PCDHA11: variants seen among roughly 807,000 people sequenced by gnomAD.
The protein encoded by PCDHA11 is protocadherin alpha 11, also known as protocadherin alpha-11.
Under a neutral mutation model 70.3 loss-of-function variants are expected in PCDHA11, and 61 were observed. The observed-to-expected ratio is 0.87, with a 90% CI of 0.71 to 1.07. The LOEUF (loss-of-function observed/expected upper bound fraction) is 1.07. Ranked by LOEUF, PCDHA11 falls within the 50% of genes least tolerant of loss-of-function variation. The pLI is 0.00. For synonymous variants in PCDHA11, 633 were observed against 555.1 expected (o/e 1.14, Z -1.97); for missense variants, 1,324 against 1,237.5 (o/e 1.07, Z -1.05).
chr5:140,883,551 G>T, intron 1 of PCDHA11: 4 of 1,614,234 alleles, frequency 2.5e-6, no homozygotes, highest in Non-Finnish European at 3.4e-6. Flanking sequence ...GTGACCGCGC[G>T]GGACGGGGGC....
chr5:140,871,263 G>T lies in PCDHA11; in HGVS notation c.2160G>T (p.Leu720=). The T allele has an allele frequency of 6.2e-7, 1 of 1,614,010 alleles. No homozygotes were observed. The highest frequency in any genetic ancestry group is 1.1e-5 in the South Asian group (1 of 91,090). The change falls in exon 1 of 4, where the codon CTG becomes CTT. Residue 720 remains leucine (L), a synonymous_variant. Transcript: ENST00000398640. Reference sequence around the variant, plus strand: ...TCACGCTGCTGCTGTATACGGCGCTGTGGTGGTCGGCAACGCCCACTGAGG... The same window carrying T: ...TCACGCTGCTGCTGTATACGGCGCTTTGGTGGTCGGCAACGCCCACTGAGG... ...LVLTLLLYTA[L]WWSATPTEGA...
At chr5:140,976,248 T>G (rs1476905185) in intron 1 of PCDHA11, among the ~76,000 whole-genome samples, 5 of 152,032 alleles carry the variant, frequency 3.3e-5, no homozygotes, top group African/African-American at 9.7e-5. Context: ...TCATGTAAAT[T>G]TATTTAAAAC....
intron 3 of PCDHA11, among the ~76,000 whole-genome samples, chr5:141,006,808 A>T (rs576819521): frequency 1.3e-5 from 2 of 152,322 alleles, no homozygotes; most frequent in East Asian, 3.9e-4. Flanking sequence ...TTCTGGCTTG[A>T]GAAATGGGGT....
At chr5:140,968,729 A>G (rs1563381706) in intron 1 of PCDHA11, 1 of 1,614,134 alleles carries the variant, frequency 6.2e-7, no homozygotes, top group Non-Finnish European at 8.5e-7. Flanking sequence ...GAGTGGTAGC[A>G]CTTTCAACCT....
At chr5:140,876,395 T>C (rs1562712555) in intron 1 of PCDHA11, 2 of 1,613,920 alleles carry the variant, frequency 1.2e-6, no homozygotes, top group Non-Finnish European at 8.5e-7. Flanking sequence ...TATGGTGAAC[T>C]GGATTTTGAA....
intron 1 of PCDHA11, among the ~76,000 whole-genome samples, chr5:140,904,628 A>G (rs2071277621): frequency 6.6e-6 from 1 of 152,002 alleles, no homozygotes; most frequent in African/African-American, 2.4e-5. Context: ...TTAGTTCTTT[A>G]AGGAATCTCC....
At chr5:140,941,651 T>C (rs2093139674) in intron 1 of PCDHA11, among the ~76,000 whole-genome samples, 3 of 152,120 alleles carry the variant, frequency 2.0e-5, no homozygotes, top group Admixed American at 6.6e-5. Context: ...CTACAACTTA[T>C]GTCCAATTTT....
chr5:140,887,670 C>A (rs368430565), intron 1 of PCDHA11, among the ~76,000 whole-genome samples: 2 of 151,988 alleles, frequency 1.3e-5, no homozygotes, highest in Non-Finnish European at 2.9e-5. Flanking sequence ...GTGGATTTAT[C>A]ATTTTCATCA....
chr5:140,940,494 G>C (rs553813143), intron 1 of PCDHA11, among the ~76,000 whole-genome samples: 1 of 151,724 alleles, frequency 6.6e-6, no homozygotes, highest in East Asian at 1.9e-4. Context: ...GACAAGTCTT[G>C]CTCCGTCGCT....
intron 1 of PCDHA11, among the ~76,000 whole-genome samples, chr5:140,947,600 G>A (rs1328645188): frequency 1.3e-5 from 2 of 151,624 alleles, no homozygotes; most frequent in African/African-American, 4.8e-5. Flanking sequence ...ATTTAGGGAA[G>A]ATTTGGTATC....
At chr5:140,982,318 G>A (rs2096977750) in intron 2 of PCDHA11, 157 bp from the exon 3 acceptor site, 3 of 1,356,910 alleles carry the variant, frequency 2.2e-6, no homozygotes, top group Non-Finnish European at 2.9e-6. Context: ...AGTTTATGCA[G>A]GGTGACTGCT....
In PCDHA11 at chr5:141,008,942, A is replaced by G. The variant is rs544111760; in HGVS notation, c.2540-685A>G. Among the ~76,000 whole-genome samples the G allele has an allele frequency of 1.5e-4, 23 of 152,326 alleles. No homozygotes were observed. In the South Asian group the frequency reaches 4.8e-3, roughly 32 times the overall value. On this transcript the variant is annotated intron_variant, in intron 3 of 3. Transcript: ENST00000398640. ...ATTCAGCTAATTTTTCTTGTTTTGG[A>G]CAAAATAGACATCCTAATACATTTA...
chr5:140,922,176 CAA>C lies in PCDHA11; in HGVS notation c.2391+50690_2391+50691del, dbSNP rs3836750. ...CAAAAACAACAAAAAGTACAGCAGACAAAAAAAAAGTCTTATCTTTAATGAAA... is the reference window on the plus strand; with the variant it reads ...CAAAAACAACAAAAAGTACAGCAGACAAAAAAAGTCTTATCTTTAATGAAA... On this transcript the variant is annotated intron_variant, in intron 1 of 3. Coordinates refer to ENST00000398640, the MANE Select transcript of PCDHA11 (RefSeq NM_018902.5). 2.6e-3 allele frequency among the ~76,000 whole-genome samples: 394 copies of C among 150,816 alleles called. 1 individual carries two copies. The highest frequency in any genetic ancestry group is 9.1e-3 in the African/African-American group (376 of 41,132).
Position 140,928,819 on chromosome 5 carries a change from G to A in PCDHA11, c.2392-50130G>A, listed in dbSNP as rs1464149149. On this transcript the variant is annotated intron_variant, in intron 1 of 3. Coordinates refer to ENST00000398640, the MANE Select transcript of PCDHA11 (RefSeq NM_018902.5). ...GGTGGTAGTGGTTCGGGACCATGGAGACCCACCACTTTCCTCCTCTGTCAC... is the reference window on the plus strand; with the variant it reads ...GGTGGTAGTGGTTCGGGACCATGGAAACCCACCACTTTCCTCCTCTGTCAC... 8 of 1,614,024 alleles carry A rather than the reference G, an allele frequency of 5.0e-6. No homozygotes were observed. In the Admixed American group the frequency reaches 1.0e-4, roughly 20 times the overall value.
At chr5:140,966,527 G>C (rs1328867902) in intron 1 of PCDHA11, 2 of 444,184 alleles carry the variant, frequency 4.5e-6, no homozygotes, top group Non-Finnish European at 7.8e-6. Context: ...AAGCCGAGCC[G>C]GGTTGAGCGA....
chr5:140,928,557 C>G lies in PCDHA11; in HGVS notation c.2392-50392C>G, dbSNP rs556688707. 7 of 1,614,238 alleles carry G rather than the reference C, an allele frequency of 4.3e-6. 1 individual carries two copies. The East Asian group carries it at 1.6e-4, about 36-fold the overall frequency. On this transcript the variant is annotated intron_variant, in intron 1 of 3. Coordinates refer to ENST00000398640, the MANE Select transcript of PCDHA11 (RefSeq NM_018902.5). ...ATAGGAATGACAATTATCCGGTTAT[C>G]TTGTTTCCCTTGCCCAGAAATGGTT...
At chr5:140,938,752 A>G (rs1213369856) in intron 1 of PCDHA11, among the ~76,000 whole-genome samples, 1 of 152,146 alleles carries the variant, frequency 6.6e-6, no homozygotes, top group Non-Finnish European at 1.5e-5. Flanking sequence ...TTTTAAAGGC[A>G]TAGTTATTGG....
intron 1 of PCDHA11, chr5:140,883,678 G>A (rs555791080): frequency 3.7e-6 from 6 of 1,613,902 alleles, no homozygotes; most frequent in South Asian, 3.3e-5. Flanking sequence ...ACAATCCGCC[G>A]GGCTGCCACA....
At chr5:140,985,981 C>T (rs966841419) in intron 3 of PCDHA11, among the ~76,000 whole-genome samples, 18 of 152,140 alleles carry the variant, frequency 1.2e-4, no homozygotes, top group Middle Eastern at 6.8e-3. Context: ...CCTCGTGATC[C>T]GCCCACCTCA....
Sources: allele counts gnomAD v4.1 joint callset (sites outside exome capture counted in the v4.1 genomes callset), GRCh38; gene constraint gnomAD v4.1.1; transcripts MANE v1.5; gene names NCBI Gene and HGNC (gene_info 2026-07-23, HGNC 2026-07-21).